The following SQOR variants were observed in gnomAD, a reference collection of about 807,000 sequenced individuals.
The protein encoded by SQOR is sulfide:quinone oxidoreductase, mitochondrial.
In SQOR, 39 loss-of-function variants were observed where a neutral mutation model predicts 48.6. That is an observed-to-expected ratio of 0.80 (90% CI 0.62 to 1.05). The LOEUF (loss-of-function observed/expected upper bound fraction) is 1.05, where lower values mean the gene tolerates loss of function less well. Among genes scored for constraint, SQOR ranks in the 50% least tolerant of loss-of-function variants. The probability of loss-of-function intolerance (pLI) is 0.00; values close to 1 mark genes in which losing one functional copy is unlikely to be tolerated. For missense variants in SQOR, 561 were observed against 559.9 expected (o/e 1.00, Z -0.02); for synonymous variants, 220 against 206.2 (o/e 1.07, Z -0.57).
At chr15:45,683,122 C>T (rs995265832) in intron 7 of SQOR, among the ~76,000 whole-genome samples, 1 of 151,992 alleles carries the variant, frequency 6.6e-6, no homozygotes, top group Admixed American at 6.6e-5. Context: ...TGCTTTGCCC[C>T]AGAGTAGCAT....
chr15:45,673,899 A>C, intron 5 of SQOR, 98 bp downstream of exon 5: 1 of 1,219,460 alleles, frequency 8.2e-7, no homozygotes, highest in East Asian at 2.5e-5. Flanking sequence ...TCCCTTTTTT[A>C]TCTCGGAATT....
At chr15:45,634,197 A>AATATATATATATATATATATATAT (rs1770075978), upstream of SQOR, among the ~76,000 whole-genome samples, 2 of 19,836 alleles carry the variant, frequency 1.0e-4, no homozygotes, top group Middle Eastern at 0.042. Flanking sequence ...AACAACAACA[A>AATATATATATATATATATATATAT]CTATATATAT....
At chr15:45,683,178 G>C (rs1311004412) in intron 7 of SQOR, among the ~76,000 whole-genome samples, 5 of 151,974 alleles carry the variant, frequency 3.3e-5, no homozygotes, top group Non-Finnish European at 7.4e-5. Context: ...TGTCAGAAGA[G>C]GGGGCCTTAG....
chr15:45,661,652 C>T (rs527580189), intron 2 of SQOR, among the ~76,000 whole-genome samples: 29 of 152,038 alleles, frequency 1.9e-4, no homozygotes, highest in Non-Finnish European at 3.5e-4. Flanking sequence ...TATGCACGTG[C>T]ATATAACATG....
At chr15:45,635,492 G>A (rs960233223) in intron 1 of SQOR, among the ~76,000 whole-genome samples, 1 of 152,182 alleles carries the variant, frequency 6.6e-6, no homozygotes, top group South Asian at 2.1e-4. Context: ...CTCGGCGTCC[G>A]GGGGCCAGGG....
At chr15:45,662,314 T>C (rs1889735371) in intron 3 of SQOR, among the ~76,000 whole-genome samples, 189 bp downstream of exon 3, 1 of 152,162 alleles carries the variant, frequency 6.6e-6, no homozygotes, top group Non-Finnish European at 1.5e-5. Context: ...AAGGACTGAG[T>C]GATATTGAGT....
At chr15:45,663,332 T>C (rs1889754399) in intron 3 of SQOR, among the ~76,000 whole-genome samples, 1 of 152,192 alleles carries the variant, frequency 6.6e-6, no homozygotes, top group South Asian at 2.1e-4. Flanking sequence ...GAGGCATTGT[T>C]AAGCTTTTTT....
At chr15:45,644,351 G>T (rs1419673116) in intron 1 of SQOR, among the ~76,000 whole-genome samples, 1 of 152,196 alleles carries the variant, frequency 6.6e-6, no homozygotes, top group Non-Finnish European at 1.5e-5. Context: ...CTTCTAAAGT[G>T]CTGGGATTAC....
intron 6 of SQOR, among the ~76,000 whole-genome samples, chr15:45,677,524 G>T (rs897459765): frequency 2.6e-5 from 4 of 152,102 alleles, no homozygotes; most frequent in South Asian, 2.1e-4. Flanking sequence ...CAATTGTGAG[G>T]TCTATTTAGC....
At chr15:45,661,290 T>TAA (rs34286267) in intron 2 of SQOR, among the ~76,000 whole-genome samples, 7 of 67,532 alleles carry the variant, frequency 1.0e-4, no homozygotes, top group African/African-American at 1.7e-4. Context: ...GACTCTGTCT[T>TAA]AAAAAAAAAA....
chr15:45,651,114 C>T (rs1889478123), intron 1 of SQOR, among the ~76,000 whole-genome samples: 1 of 152,222 alleles, frequency 6.6e-6, no homozygotes, highest in African/African-American at 2.4e-5. Flanking sequence ...CGCTGGGGGG[C>T]TGGGGCATGG....
chr15:45,673,816 T>C lies in SQOR; in HGVS notation c.654+15T>C, dbSNP rs2140956282. 6.2e-7 allele frequency: 1 copy of C among 1,613,198 alleles called. No homozygotes were observed. The highest frequency in any genetic ancestry group is 8.5e-7 in the Non-Finnish European group (1 of 1,179,372). On this transcript the variant is annotated intron_variant, in intron 5 of 9. Transcript: ENST00000260324. ...ACTTCAGGAAGGTATGCTTCCTTTCTGGGGACAGAGATGAGCAGGGCGGAC... is the reference window on the plus strand; with the variant it reads ...ACTTCAGGAAGGTATGCTTCCTTTCCGGGGACAGAGATGAGCAGGGCGGAC...
intron 1 of SQOR, among the ~76,000 whole-genome samples, chr15:45,655,573 T>C (rs1002689929): frequency 2.0e-5 from 3 of 152,066 alleles, no homozygotes; most frequent in Non-Finnish European, 2.9e-5. Flanking sequence ...GAAAAGTACA[T>C]ACAAAGAAGA....
At position 45,659,044 on chromosome 15, in the gene SQOR, A is replaced by G. The variant is rs1566917990; in HGVS notation, c.121A>G (p.Arg41Gly). ...GCACACCGGGGCCAGCCATGCGGCC[A>G]GGAACCATTATGAGGTGCTGGTGCT... ...QLHTGASHAA[R>G]NHYEVLVLGG... Residue 41 changes from arginine (R) to glycine (G), a missense_variant, in exon 2 of 10, where the codon AGG (arginine) becomes GGG (glycine). By Grantham distance (125) the Arg-to-Gly change is moderately radical (BLOSUM62 -2). Transcript: ENST00000260324. 6.2e-7 allele frequency: 1 copy of G among 1,600,324 alleles called. No homozygotes were observed. The highest frequency in any genetic ancestry group is 8.5e-7 in the Non-Finnish European group (1 of 1,173,910).
chr15:45,640,720 A>G (rs752487960), intron 1 of SQOR, among the ~76,000 whole-genome samples: 21 of 152,332 alleles, frequency 1.4e-4, no homozygotes, highest in Non-Finnish European at 2.6e-4. Context: ...GGAAATCCCA[A>G]TGCTCCTGAG....
At position 45,676,163 on chromosome 15, in the gene SQOR, T is replaced by A. The variant is rs1455572985; in HGVS notation, c.717T>A (p.Val239=). 6.2e-7 allele frequency: 1 copy of A among 1,614,134 alleles called. No individual in the cohort carries two copies. The highest frequency in any genetic ancestry group is 1.6e-4 in the Middle Eastern group (1 of 6,062). Residue 239 remains valine, a synonymous_variant, in exon 6 of 10, where the codon GTT becomes GTA. Transcript: ENST00000260324. Reference sequence around the variant, plus strand: ...CTTCTCTTGGAGCCATTTTCGGGGTTAAGAAGTATGCAGATGCCCTGCAGG... The same window carrying A: ...CTTCTCTTGGAGCCATTTTCGGGGTAAAGAAGTATGCAGATGCCCTGCAGG... ...FNTSLGAIFG[V]KKYADALQEI...
chr15:45,649,152 G>A (rs1430340576), intron 1 of SQOR, among the ~76,000 whole-genome samples: 2 of 152,228 alleles, frequency 1.3e-5, no homozygotes, highest in Admixed American at 1.3e-4. Context: ...CAGGCAGTCT[G>A]TATTGCTTGT....
chr15:45,684,610 CTCT>C (rs1890188058), intron 7 of SQOR, among the ~76,000 whole-genome samples: 1 of 151,160 alleles, frequency 6.6e-6, no homozygotes, highest in Non-Finnish European at 1.5e-5. Flanking sequence ...CTCTCTCTCT[CTCT>C]TTTTTTTTCA....
intron 1 of SQOR, among the ~76,000 whole-genome samples, chr15:45,658,342 T>C (rs1002222610): frequency 2.6e-5 from 4 of 152,154 alleles, no homozygotes; most frequent in African/African-American, 7.2e-5. Flanking sequence ...AGGAGGCCTC[T>C]GGATGGGGGC....
Sources: gnomAD v4.1 joint callset for allele counts (sites outside exome capture counted in the v4.1 genomes callset) on GRCh38, gnomAD v4.1.1 for gene constraint, MANE v1.5 for transcripts, NCBI Gene and HGNC (gene_info 2026-07-23, HGNC 2026-07-21) for gene names.